The following SHF variants were observed in gnomAD, a reference collection of about 807,000 sequenced individuals.
SHF encodes the protein Src homology 2 domain containing F, also known as SH2 domain-containing adapter protein F.
In SHF, 30 loss-of-function variants were observed where a neutral mutation model predicts 42.4. That is an observed-to-expected ratio of 0.71 (90% confidence interval 0.53 to 0.96). The LOEUF (loss-of-function observed/expected upper bound fraction) is 0.96. SHF is among the 40% of genes least tolerant of loss of function. The probability of loss-of-function intolerance (pLI) is 0.00; values close to 1 mark genes in which losing one functional copy is unlikely to be tolerated. For missense variants in SHF, 598 were observed against 634.0 expected (o/e 0.94, Z 0.61); for synonymous variants, 264 against 269.9 (o/e 0.98, Z 0.21).
At chr15:45,186,434 C>G (rs1442558393) in intron 1 of SHF, among the ~76,000 whole-genome samples, 1 of 152,196 alleles carries the variant, frequency 6.6e-6, no homozygotes, top group African/African-American at 2.4e-5. Context: ...GAGAAGGGGG[C>G]AGGCCCCAGA....
chr15:45,191,379 G>C (rs1898704575), upstream of SHF, among the ~76,000 whole-genome samples: 1 of 152,182 alleles, frequency 6.6e-6, no homozygotes, highest in South Asian at 2.1e-4. Flanking sequence ...TAGAGACGAA[G>C]TTCTTGCTAT....
intron 6 of SHF, among the ~76,000 whole-genome samples, chr15:45,168,937 G>A (rs1255459439): frequency 6.6e-6 from 1 of 152,188 alleles, no homozygotes; most frequent in Non-Finnish European, 1.5e-5. Context: ...GGGACCCTCG[G>A]CCCATGAGAG....
At chr15:45,181,502 ATT>A (rs1359683629) in intron 1 of SHF, among the ~76,000 whole-genome samples, 1 of 152,050 alleles carries the variant, frequency 6.6e-6, no homozygotes, top group Non-Finnish European at 1.5e-5. Flanking sequence ...ACCTACCCTA[ATT>A]TGTTATTTTG....
rs767764741 is a variant in SHF at position 45,168,073 on chromosome 15, C to G, written c.1341G>C (p.Leu447=). ...TGCTGAAGGGCGGGCTGTTCTGGCC[C>G]AGCACATATTTGTGTTCCTTGGTTC... ...LSRTKEHKYV[L]GQNSPPFSSV... The change falls in exon 7 of 7, where the codon CTG becomes CTC. Residue 447 remains leucine (L), a synonymous_variant. Coordinates refer to ENST00000690270, the MANE Select transcript of SHF (RefSeq NM_001394037.1). The G allele has an allele frequency of 6.2e-7, 1 of 1,612,684 alleles. No homozygotes were observed. Among genetic ancestry groups the G allele is most frequent in the East Asian group, 2.2e-5 (1 of 44,856 alleles).
At chr15:45,177,370 C>T (rs1296403605) in intron 2 of SHF, among the ~76,000 whole-genome samples, 2 of 152,174 alleles carry the variant, frequency 1.3e-5, no homozygotes, top group African/African-American at 4.8e-5. Flanking sequence ...TGTGATGACA[C>T]ATAAGCCCAT....
At chr15:45,187,359 G>A (rs1355547308) in intron 1 of SHF, 95 bp downstream of exon 1, 5 of 1,172,894 alleles carry the variant, frequency 4.3e-6, no homozygotes, top group Non-Finnish European at 5.3e-6. Context: ...CTGAGACACC[G>A]AGGGGCCCGG....
chr15:45,181,079 C>G (rs1898100026), intron 1 of SHF: 1 of 152,386 alleles, frequency 6.6e-6, no homozygotes, highest in African/African-American at 2.4e-5. Context: ...CTCTCCCTCA[C>G]CAAGCCTGCA....
At chr15:45,173,737 G>A in intron 3 of SHF, 21 bp from the exon 4 acceptor site, 1 of 1,551,516 alleles carries the variant, frequency 6.4e-7, no homozygotes. Context: ...CAGCAGAAGT[G>A]AGAAGAGAGA....
chr15:45,194,105 A>G, intron 2 of SHF, among the ~76,000 whole-genome samples: 1 of 149,900 alleles, frequency 6.7e-6, no homozygotes, highest in Non-Finnish European at 1.5e-5. Context: ...TTGTCTCAAA[A>G]AAAAAAAAAA....
intron 6 of SHF, chr15:45,170,637 A>AT: frequency 3.4e-6 from 1 of 292,400 alleles, no homozygotes; most frequent in South Asian, 3.0e-5. Context: ...TTTTTCTATT[A>AT]TCTTTTTCTT....
At chr15:45,200,511 C>T (rs374149091) in intron 1 of SHF, 10 of 354,384 alleles carry the variant, frequency 2.8e-5, no homozygotes, top group East Asian at 1.5e-4. Context: ...AGGACCTCGG[C>T]TTGTCGCCTG....
upstream of SHF, among the ~76,000 whole-genome samples, chr15:45,191,474 C>T: frequency 6.6e-6 from 1 of 152,198 alleles, no homozygotes. Context: ...AGGTGTGAGC[C>T]ATTGCACCCA....
In SHF at chr15:45,173,322, C is replaced by A. The variant is rs776028249; in HGVS notation, c.988+254G>T. On this transcript the variant is annotated intron_variant, in intron 4 of 6. Coordinates refer to ENST00000690270, the MANE Select transcript of SHF (RefSeq NM_001394037.1). ...AAGGAGCTTGTCAAGCAAAGCTCTC[C>A]CCAAAGTGAATTTAAAATGGTGGAT... 7.2e-4 allele frequency among the ~76,000 whole-genome samples: 110 copies of A among 152,114 alleles called. No individual in the cohort carries two copies. Among genetic ancestry groups the A allele is most frequent in the Admixed American group, 2.0e-4 (3 of 15,278 alleles).
intron 4 of SHF, 45 bp downstream of exon 4, chr15:45,173,531 G>T: frequency 1.4e-6 from 2 of 1,449,260 alleles, no homozygotes; most frequent in Non-Finnish European, 1.8e-6. Flanking sequence ...AGGGCCTGGA[G>T]GGGTGAGGAC....
At chr15:45,178,071 G>A (rs1046531042) in intron 2 of SHF, 94 bp downstream of exon 2, 11 of 1,471,240 alleles carry the variant, frequency 7.5e-6, no homozygotes, top group African/African-American at 1.4e-5. Context: ...TATTTTCCAG[G>A]GACCAAAGAA....
chr15:45,183,180 G>T (rs1898215407), intron 1 of SHF, among the ~76,000 whole-genome samples: 1 of 152,186 alleles, frequency 6.6e-6, no homozygotes, highest in East Asian at 1.9e-4. Flanking sequence ...GGTGCTGAGG[G>T]TCCAGGCATT....
exon 1 of SHF, chr15:45,201,035 C>T (rs1412768623): frequency 5.7e-6 from 2 of 350,774 alleles, no homozygotes; most frequent in East Asian, 1.5e-4. Context: ...TGCGGGTGAA[C>T]GTGGGTGCGG....
At position 45,187,721 on chromosome 15, in the gene SHF, G is replaced by T; in HGVS notation, c.231C>A (p.Arg77=). The T allele has an allele frequency of 9.4e-7, 1 of 1,069,210 alleles. No individual in the cohort carries two copies. The highest frequency in any genetic ancestry group is 1.2e-6 in the Non-Finnish European group (1 of 842,356). 66.2% of individuals were successfully genotyped at this position (1,069,210 alleles called of 1,614,324 possible). The change falls in exon 1 of 7, where the codon CGC becomes CGA. Residue 77 remains arginine (R), a synonymous_variant. Transcript: ENST00000690270. ...GCGCGGCCGGAGAGGGCGCAGGGGG[G>T]CGGTAGTCGGGCTCGGGGGGCGCCG... ...SKPAPPEPDY[R]PPAPSPAAPP...
intron 2 of SHF, among the ~76,000 whole-genome samples, chr15:45,194,502 CCACCA>C (rs757018870): frequency 3.3e-5 from 5 of 152,034 alleles, no homozygotes; most frequent in Non-Finnish European, 7.4e-5. Flanking sequence ...CAGGTCCCTG[CCACCA>C]CACCCAGCTA....
Sources: allele counts gnomAD v4.1 joint callset (sites outside exome capture counted in the v4.1 genomes callset), GRCh38; gene constraint gnomAD v4.1.1; transcripts MANE v1.5; gene names NCBI Gene and HGNC (gene_info 2026-07-23, HGNC 2026-07-21).